CCSER1: variants seen among roughly 807,000 people sequenced by gnomAD.
CCSER1 encodes coiled-coil serine rich protein 1.
A neutral mutation model predicts 82.0 loss-of-function variants in CCSER1; 41 were observed. The observed-to-expected ratio is 0.50, with a 90% confidence interval of 0.39 to 0.65. The LOEUF (loss-of-function observed/expected upper bound fraction) is 0.65, where lower values mean the gene tolerates loss of function less well. CCSER1 is among the 30% of genes least tolerant of loss of function. The pLI, the probability that CCSER1 is intolerant of heterozygous loss-of-function variation, is 0.00. For synonymous variants in CCSER1, 414 were observed against 383.9 expected, an observed-to-expected ratio of 1.08 and a Z score of -0.92; for missense variants, 1,119 against 1,064.2, an observed-to-expected ratio of 1.05 and a Z score of -0.72.
chr4:91,332,415 C>A, intron 10 of CCSER1, among the ~76,000 whole-genome samples: 1 of 151,474 alleles, frequency 6.6e-6, no homozygotes. Context: ...AACTTAAGTC[C>A]CTTAGGACTA....
At chr4:91,242,175 A>G (rs891897217) in intron 10 of CCSER1, among the ~76,000 whole-genome samples, 5 of 152,186 alleles carry the variant, frequency 3.3e-5, no homozygotes, top group Non-Finnish European at 7.3e-5. Flanking sequence ...TTTGAGAAAG[A>G]AGATATGGAA....
intron 10 of CCSER1, among the ~76,000 whole-genome samples, chr4:91,097,132 A>G (rs958414893): frequency 6.6e-6 from 1 of 152,188 alleles, no homozygotes; most frequent in Admixed American, 6.5e-5. Context: ...CCCTACCTCA[A>G]AAATGCCCAA....
intron 10 of CCSER1, among the ~76,000 whole-genome samples, chr4:91,474,108 A>G (rs1380588941): frequency 6.6e-6 from 1 of 152,000 alleles, no homozygotes; most frequent in Admixed American, 6.6e-5. Context: ...AATTTCCTTG[A>G]CTAGCCTCAT....
intron 9 of CCSER1, among the ~76,000 whole-genome samples, chr4:90,969,534 GAT>G (rs1409026836): frequency 5.9e-5 from 9 of 151,680 alleles, no homozygotes; most frequent in Non-Finnish European, 1.5e-5. Context: ...TGCCAACCAA[GAT>G]ACTACACCCA....
intron 10 of CCSER1, among the ~76,000 whole-genome samples, chr4:91,360,750 T>C (rs1038530719): frequency 1.3e-5 from 2 of 151,848 alleles, no homozygotes; most frequent in African/African-American, 4.8e-5. Flanking sequence ...GGATGCTACA[T>C]TTGACACATT....
At chr4:90,839,886 G>T (rs1762349008) in intron 8 of CCSER1, among the ~76,000 whole-genome samples, 1 of 152,100 alleles carries the variant, frequency 6.6e-6, no homozygotes, top group South Asian at 2.1e-4. Context: ...ATTGATACAT[G>T]AATTGTATAT....
At chr4:90,217,556 T>A (rs1741308937) in intron 1 of CCSER1, among the ~76,000 whole-genome samples, 3 of 152,060 alleles carry the variant, frequency 2.0e-5, no homozygotes, top group Admixed American at 6.5e-5. Context: ...TAGGCTGACT[T>A]CTTCTTCTCC....
At chr4:90,226,291 G>T (rs187747959) in intron 1 of CCSER1, among the ~76,000 whole-genome samples, 2 of 152,218 alleles carry the variant, frequency 1.3e-5, no homozygotes, top group African/African-American at 4.8e-5. Context: ...AAATTTGGGA[G>T]TGTTTTGTTT....
chr4:91,082,135 G>C (rs533637894), intron 9 of CCSER1, among the ~76,000 whole-genome samples: 11 of 152,258 alleles, frequency 7.2e-5, no homozygotes, highest in Non-Finnish European at 1.5e-4. Context: ...GAACAAAGTT[G>C]GAGGCATCAT....
intron 7 of CCSER1, among the ~76,000 whole-genome samples, chr4:90,776,547 A>G (rs1308834291): frequency 6.6e-6 from 1 of 152,334 alleles, no homozygotes; most frequent in Non-Finnish European, 1.5e-5. Flanking sequence ...AACTTTGGTA[A>G]TAGACTTTAA....
intron 9 of CCSER1, among the ~76,000 whole-genome samples, chr4:91,078,080 T>C (rs1438698117): frequency 6.6e-6 from 1 of 152,200 alleles, no homozygotes; most frequent in Non-Finnish European, 1.5e-5. Context: ...GTCTGGCGGC[T>C]TTGAAGAGAA....
At chr4:90,629,103 A>G (rs1723868207) in intron 6 of CCSER1, among the ~76,000 whole-genome samples, 1 of 152,180 alleles carries the variant, frequency 6.6e-6, no homozygotes, top group Non-Finnish European at 1.5e-5. Context: ...ATTTAGAATT[A>G]ATGGTCCCTA....
intron 10 of CCSER1, among the ~76,000 whole-genome samples, chr4:91,453,229 T>C (rs1755965469): frequency 6.6e-6 from 1 of 152,050 alleles, no homozygotes; most frequent in Admixed American, 6.6e-5. Flanking sequence ...GAGTTTTATG[T>C]CTTTTCTTGG....
intron 1 of CCSER1, among the ~76,000 whole-genome samples, chr4:90,276,233 T>TCCTTCCTTCCTTC (rs1460563263): frequency 9.2e-6 from 1 of 108,694 alleles, no homozygotes; most frequent in East Asian, 2.7e-4. Context: ...TTTCTTTCTT[T>TCCTTCCTTCCTTC]CTTTCTTTCT....
chr4:91,236,551 T>C (rs1480361745), intron 10 of CCSER1, among the ~76,000 whole-genome samples: 1 of 152,160 alleles, frequency 6.6e-6, no homozygotes, highest in African/African-American at 2.4e-5. Context: ...CAGTGTTCTA[T>C]AATTTTGAGG....
intron 10 of CCSER1, among the ~76,000 whole-genome samples, chr4:91,364,989 C>A (rs1265126679): frequency 3.3e-5 from 5 of 151,954 alleles, no homozygotes; most frequent in Admixed American, 6.5e-5. Flanking sequence ...GTAAAGTTAA[C>A]CTGTATCCAC....
intron 3 of CCSER1, among the ~76,000 whole-genome samples, chr4:90,381,201 T>C (rs1749151259): frequency 1.3e-5 from 2 of 152,242 alleles, no homozygotes; most frequent in South Asian, 4.1e-4. Context: ...ACCCTTGTGA[T>C]AATTAATATG....
chr4:90,915,748 T>G (rs978686596), intron 8 of CCSER1, among the ~76,000 whole-genome samples: 1 of 152,100 alleles, frequency 6.6e-6, no homozygotes, highest in Non-Finnish European at 1.5e-5. Flanking sequence ...ATGACATGAT[T>G]GTATATCTAG....
intron 10 of CCSER1, among the ~76,000 whole-genome samples, chr4:91,101,169 G>T (rs1463973085): frequency 6.6e-6 from 1 of 152,076 alleles, no homozygotes; most frequent in Non-Finnish European, 1.5e-5. Context: ...TGCATAGAAA[G>T]CCACACAAAA....
Sources: allele counts gnomAD v4.1 joint callset (sites outside exome capture counted in the v4.1 genomes callset), GRCh38; gene constraint gnomAD v4.1.1; transcripts MANE v1.5; gene names NCBI Gene and HGNC (gene_info 2026-07-23, HGNC 2026-07-21).